CNTNAP4: variants seen among roughly 807,000 people sequenced by gnomAD.
The protein encoded by CNTNAP4 is contactin-associated protein-like 4.
A neutral mutation model predicts 148.4 loss-of-function variants in CNTNAP4; 98 were observed. The ratio of observed to expected loss-of-function variants is 0.66; its 90% CI spans 0.56 to 0.78. CNTNAP4 has a LOEUF of 0.78. Ranked by LOEUF, CNTNAP4 falls within the 30% of genes least tolerant of loss-of-function variation. The pLI is 0.00. For synonymous variants in CNTNAP4, 730 were observed against 565.1 expected (o/e 1.29, Z -4.14); for missense variants, 1,935 against 1,565.6 (o/e 1.24, Z -3.98).
intron 15 of CNTNAP4, among the ~76,000 whole-genome samples, chr16:76,516,866 C>G (rs969987366): frequency 7.5e-4 from 114 of 152,120 alleles, no homozygotes; most frequent in Non-Finnish European, 1.8e-4. Flanking sequence ...GAGTTCGAGA[C>G]CAGCCTGGCC....
rs1284876709 is a variant in CNTNAP4, at chr16:76,285,999, T to A, written c.85+8252T>A. Among the ~76,000 whole-genome samples, 5 of 152,232 alleles carry A rather than the reference T, an allele frequency of 3.3e-5. No homozygotes were observed. In the East Asian group the frequency reaches 7.7e-4, roughly 24 times the overall value. On this transcript the variant is annotated intron_variant, in intron 1 of 23. Coordinates refer to ENST00000611870, the MANE Select transcript of CNTNAP4 (RefSeq NM_033401.5). ...AAGTCAAATTTCTAGGCTAATAGCT[T>A]TGCTCTAAAAGAGTGCATGTAGATT...
intron 12 of CNTNAP4, among the ~76,000 whole-genome samples, chr16:76,485,181 G>C (rs557054378): frequency 6.6e-6 from 1 of 152,062 alleles, no homozygotes; most frequent in African/African-American, 2.4e-5. Flanking sequence ...GCAATGGCAC[G>C]ATCTCGGCTG....
In CNTNAP4 at chr16:76,449,767, G is replaced by T; in HGVS notation, c.980G>T (p.Arg327Ile). ...APGKSVSFPHRNFHGCLENLY... is the reference protein window; with the variant it reads ...APGKSVSFPHINFHGCLENLY... Reference sequence around the variant, plus strand: ...GGAAAATCAGTGTCATTCCCACATAGAAATTTTCATGGATGTTTAGAAAAT... The same window carrying T: ...GGAAAATCAGTGTCATTCCCACATATAAATTTTCATGGATGTTTAGAAAAT... Residue 327 changes from arginine (R) to isoleucine (I), a missense_variant, in exon 7 of 24, where the codon AGA becomes ATA. Arg to Ile is a moderately conservative substitution (Grantham distance 97). Coordinates refer to ENST00000611870, the MANE Select transcript of CNTNAP4 (RefSeq NM_033401.5). 6.3e-7 allele frequency: 1 copy of T among 1,597,982 alleles called. No homozygotes were observed. Among genetic ancestry groups the T allele is most frequent in the Non-Finnish European group, 8.5e-7 (1 of 1,171,420 alleles).
chr16:76,435,525 A>G (rs2079792184), intron 4 of CNTNAP4, among the ~76,000 whole-genome samples: 2 of 152,144 alleles, frequency 1.3e-5, no homozygotes, highest in African/African-American at 4.8e-5. Flanking sequence ...CCACTGTTAG[A>G]TCTGACATAC....
At chr16:76,537,212 T>G (rs900406040) in intron 18 of CNTNAP4, among the ~76,000 whole-genome samples, 7 of 151,590 alleles carry the variant, frequency 4.6e-5, no homozygotes, top group Admixed American at 2.0e-4. Context: ...TTACTCTGTA[T>G]GCACATATTA....
chr16:76,452,776 A>T lies in CNTNAP4; in HGVS notation c.1333+7A>T. The T allele has an allele frequency of 1.9e-6, 3 of 1,552,548 alleles. No individual in the cohort carries two copies. Among genetic ancestry groups the T allele is most frequent in the Non-Finnish European group, 2.6e-6 (3 of 1,149,888 alleles). The stretch of plus-strand genomic sequence containing the variant: ...CCCAGTGACATCACAGCAGGTAATA[A>T]ATGTATTCCCTGGGGCAAAGCATAT... On this transcript the variant is annotated splice_region_variant and intron_variant, in intron 8 of 23. Coordinates refer to ENST00000611870, the MANE Select transcript of CNTNAP4 (RefSeq NM_033401.5).
At chr16:76,395,476 G>A (rs966420737) in intron 3 of CNTNAP4, among the ~76,000 whole-genome samples, 3 of 151,900 alleles carry the variant, frequency 2.0e-5, no homozygotes, top group African/African-American at 7.3e-5. Flanking sequence ...CATGTTGGCA[G>A]GCTGGTCTTG....
intron 15 of CNTNAP4, among the ~76,000 whole-genome samples, chr16:76,508,016 A>G (rs7203626): frequency 0.018 from 1,772 of 97,916 alleles, 277 homozygotes; most frequent in African/African-American, 0.043. Context: ...CATGTTTAGC[A>G]TATTACAAAG....
intron 1 of CNTNAP4, among the ~76,000 whole-genome samples, chr16:76,287,171 G>C (rs1958923096): frequency 6.6e-6 from 1 of 152,166 alleles, no homozygotes; most frequent in African/African-American, 2.4e-5. Flanking sequence ...GTACATTTAA[G>C]AAAGCAAAGA....
chr16:76,523,279 T>C (rs1426443975), intron 17 of CNTNAP4, among the ~76,000 whole-genome samples: 7 of 113,202 alleles, frequency 6.2e-5, no homozygotes, highest in Non-Finnish European at 9.9e-5. Flanking sequence ...AACAGGCCAA[T>C]AGCAAAAAGA....
intron 5 of CNTNAP4, 51 bp downstream of exon 5, chr16:76,448,266 T>A (rs1464024833): frequency 7.7e-7 from 1 of 1,295,990 alleles, no homozygotes; most frequent in African/African-American, 1.5e-5. Flanking sequence ...AGATATCACC[T>A]AAGTCACTTT....
chr16:76,508,791 C>T (rs1269973979), intron 15 of CNTNAP4, among the ~76,000 whole-genome samples: 7 of 78,450 alleles, frequency 8.9e-5, no homozygotes, highest in African/African-American at 2.1e-4. Context: ...CTCACTGTGT[C>T]GCCCAGGCTG....
chr16:76,409,173 T>C (rs1310838708), intron 3 of CNTNAP4, among the ~76,000 whole-genome samples: 1 of 151,998 alleles, frequency 6.6e-6, no homozygotes, highest in East Asian at 1.9e-4. Flanking sequence ...TAATACTGTG[T>C]CATCAGAATA....
chr16:76,338,979 A>G (rs1964245277), intron 2 of CNTNAP4, among the ~76,000 whole-genome samples: 1 of 152,164 alleles, frequency 6.6e-6, no homozygotes, highest in South Asian at 2.1e-4. Context: ...AAATATATTG[A>G]TCACATTTTG....
At position 76,506,810 on chromosome 16, in the gene CNTNAP4, C is replaced by G. The variant is rs1299386612; in HGVS notation, c.2365+8116C>G. Among the ~76,000 whole-genome samples the G allele has an allele frequency of 2.1e-5, 2 of 95,382 alleles. 1 individual carries two copies. The highest frequency in any genetic ancestry group is 5.9e-5 in the Non-Finnish European group (2 of 33,664). 62.6% of individuals were successfully genotyped at this position (95,382 alleles called of 152,430 possible). ...CTAACAGGCTTCCACATGCTGCTGC[C>G]GGTCCATGGACCACTCCATGTAGTG... On this transcript the variant is annotated intron_variant, in intron 15 of 23. Coordinates refer to ENST00000611870, the MANE Select transcript of CNTNAP4 (RefSeq NM_033401.5).
intron 9 of CNTNAP4, among the ~76,000 whole-genome samples, chr16:76,463,882 A>G (rs2081077375): frequency 6.6e-6 from 1 of 152,238 alleles, no homozygotes. Context: ...CTTCCACAGT[A>G]AAATTCCAAC....
intron 6 of CNTNAP4, among the ~76,000 whole-genome samples, 165 bp from the exon 7 acceptor site, chr16:76,449,550 A>G (rs1380398620): frequency 6.6e-6 from 1 of 152,198 alleles, no homozygotes; most frequent in Non-Finnish European, 1.5e-5. Flanking sequence ...AATAAAAGCT[A>G]AATGCACATA....
intron 3 of CNTNAP4, among the ~76,000 whole-genome samples, chr16:76,359,368 G>T (rs1473376928): frequency 6.6e-6 from 1 of 152,120 alleles, no homozygotes; most frequent in Non-Finnish European, 1.5e-5. Context: ...AGTGTTACTG[G>T]TTTAGGAACA....
At chr16:76,428,184 A>T (rs150590324) in intron 4 of CNTNAP4, among the ~76,000 whole-genome samples, 178 of 152,268 alleles carry the variant, frequency 1.2e-3, no homozygotes, top group Non-Finnish European at 2.0e-3. Flanking sequence ...CCTCTTAATG[A>T]AGCATTTTAT....
Sources: allele counts gnomAD v4.1 joint callset (sites outside exome capture counted in the v4.1 genomes callset), GRCh38; gene constraint gnomAD v4.1.1; transcripts MANE v1.5; gene names NCBI Gene and HGNC (gene_info 2026-07-23, HGNC 2026-07-21).